Variants in DCC observed in about 807,000 individuals in gnomAD.
DCC encodes the protein netrin receptor DCC.
DCC carries 58 observed loss-of-function variants against 172.5 expected under a neutral mutation model. The observed-to-expected ratio is 0.34, with a 90% CI of 0.27 to 0.42. The LOEUF (loss-of-function observed/expected upper bound fraction) is 0.42. DCC is among the 10% of genes least tolerant of loss of function. DCC has a pLI of 1.00. For missense variants in DCC, 1,740 were observed against 1,791.0 expected, an observed-to-expected ratio of 0.97 and a Z score of 0.51; for synonymous variants, 709 against 644.5, an observed-to-expected ratio of 1.10 and a Z score of -1.52.
At chr18:52,993,099 C>G (rs1444357774) in intron 5 of DCC, among the ~76,000 whole-genome samples, 2 of 150,860 alleles carry the variant, frequency 1.3e-5, no homozygotes, top group East Asian at 3.9e-4. Context: ...AATGATTGTT[C>G]TAGTTGCCAT....
At chr18:52,852,519 T>C (rs1348817199) in intron 2 of DCC, among the ~76,000 whole-genome samples, 1 of 152,138 alleles carries the variant, frequency 6.6e-6, no homozygotes, top group Non-Finnish European at 1.5e-5. Context: ...TCTATGAAAA[T>C]AGGTAAATCA....
At chr18:52,361,123 T>G (rs1984599655) in intron 1 of DCC, among the ~76,000 whole-genome samples, 2 of 152,220 alleles carry the variant, frequency 1.3e-5, no homozygotes, top group Non-Finnish European at 2.9e-5. Flanking sequence ...CTTCTCAAAC[T>G]TTAATATACA....
intron 15 of DCC, among the ~76,000 whole-genome samples, chr18:53,352,504 G>T (rs1425963058): frequency 6.6e-6 from 1 of 152,016 alleles, no homozygotes; most frequent in African/African-American, 2.4e-5. Flanking sequence ...CTATTTTGAT[G>T]TTAGTGCATC....
chr18:53,166,581 T>C (rs1439416741), intron 8 of DCC, among the ~76,000 whole-genome samples: 2 of 152,162 alleles, frequency 1.3e-5, no homozygotes, highest in Non-Finnish European at 2.9e-5. Context: ...TCCCAAGATA[T>C]AGCTCATTAT....
chr18:52,794,170 T>C (rs1202433727), intron 2 of DCC, among the ~76,000 whole-genome samples: 1 of 152,180 alleles, frequency 6.6e-6, no homozygotes, highest in Non-Finnish European at 1.5e-5. Flanking sequence ...TTTTTTTTTA[T>C]ATTTCTCTTG....
chr18:52,712,376 G>C lies in DCC; in HGVS notation c.92-39678G>C, dbSNP rs77592611. Among the ~76,000 whole-genome samples the C allele has an allele frequency of 1.1e-4, 16 of 152,124 alleles. No individual in the cohort carries two copies. In the South Asian group the frequency reaches 2.1e-3, roughly 20 times the overall value. Reference sequence around the variant, plus strand: ...TATTATTTGACTTTTACTTGTAATCGTTAGCAACCATTTGTAAAATACCTA... The same window carrying C: ...TATTATTTGACTTTTACTTGTAATCCTTAGCAACCATTTGTAAAATACCTA... On this transcript the variant is annotated intron_variant, in intron 1 of 28. Transcript: ENST00000442544.
intron 9 of DCC, 43 bp downstream of exon 9, chr18:53,179,159 T>A: frequency 6.3e-7 from 1 of 1,581,016 alleles, no homozygotes; most frequent in Non-Finnish European, 8.7e-7. Context: ...AAGTATTTAT[T>A]TTCCTCTGCA....
chr18:52,752,428 C>A (rs564974242), intron 2 of DCC, 54 bp downstream of exon 2: 6 of 1,369,108 alleles, frequency 4.4e-6, no homozygotes, highest in Non-Finnish European at 6.3e-6. Context: ...TCTTCTTATT[C>A]ATTTTTGGGG....
chr18:53,271,779 GT>G (rs1479715282), intron 12 of DCC, among the ~76,000 whole-genome samples: 3 of 152,096 alleles, frequency 2.0e-5, no homozygotes, highest in African/African-American at 7.2e-5. Context: ...AGAGTAAGGG[GT>G]TTACACAAAA....
At chr18:52,409,713 G>A (rs2144399683) in intron 1 of DCC, among the ~76,000 whole-genome samples, 1 of 152,248 alleles carries the variant, frequency 6.6e-6, no homozygotes. Flanking sequence ...CTTCACAGGG[G>A]TGATATGAAG....
chr18:52,920,070 C>A (rs1415770526), intron 3 of DCC, among the ~76,000 whole-genome samples: 1 of 145,238 alleles, frequency 6.9e-6, no homozygotes, highest in Non-Finnish European at 1.5e-5. Flanking sequence ...AAGATTAACT[C>A]AAAATGGACC....
chr18:53,291,804 G>A (rs1052205003), intron 12 of DCC, among the ~76,000 whole-genome samples: 1 of 152,146 alleles, frequency 6.6e-6, no homozygotes, highest in Non-Finnish European at 1.5e-5. Context: ...TTTAGGCACT[G>A]GAGAATTAAG....
At chr18:52,759,992 A>T (rs1190584808) in intron 2 of DCC, among the ~76,000 whole-genome samples, 1 of 152,210 alleles carries the variant, frequency 6.6e-6, no homozygotes, top group Non-Finnish European at 1.5e-5. Flanking sequence ...GGGGAACTTG[A>T]GTAAGGTCTG....
At position 52,377,799 on chromosome 18, in the gene DCC, C is replaced by T. The variant is rs376735769; in HGVS notation, c.91+36921C>T. Among the ~76,000 whole-genome samples the T allele has an allele frequency of 2.0e-4, 30 of 151,418 alleles. 1 individual carries two copies. The highest frequency in any genetic ancestry group is 3.4e-4 in the Non-Finnish European group (23 of 67,884). ...TTGGCTCACCACAGATTCTGCCTCC[C>T]GGGTTCAAGCAATTCTCATACCTCA... On this transcript the variant is annotated intron_variant, in intron 1 of 28. Coordinates refer to ENST00000442544, the MANE Select transcript of DCC (RefSeq NM_005215.4).
chr18:53,069,886 T>G (rs910764592), intron 7 of DCC, among the ~76,000 whole-genome samples: 1 of 152,052 alleles, frequency 6.6e-6, no homozygotes, highest in Non-Finnish European at 1.5e-5. Context: ...ATATTTTAAT[T>G]TAGATCTCAT....
intron 5 of DCC, among the ~76,000 whole-genome samples, chr18:52,926,126 A>C (rs1043962962): frequency 6.6e-6 from 1 of 151,888 alleles, no homozygotes; most frequent in African/African-American, 2.4e-5. Context: ...GAATCTTAGG[A>C]ATTTTTCCTC....
intron 1 of DCC, among the ~76,000 whole-genome samples, chr18:52,625,387 C>T (rs2034554816): frequency 6.6e-6 from 1 of 152,166 alleles, no homozygotes; most frequent in African/African-American, 2.4e-5. Flanking sequence ...CACTCAACAA[C>T]TATGAATTAT....
intron 1 of DCC, among the ~76,000 whole-genome samples, chr18:52,343,077 A>G (rs1185310565): frequency 2.0e-5 from 3 of 152,188 alleles, no homozygotes; most frequent in South Asian, 2.1e-4. Flanking sequence ...TTCTAAATCT[A>G]TATCTGTTAT....
At chr18:52,689,388 A>C (rs1422203666) in intron 1 of DCC, among the ~76,000 whole-genome samples, 1 of 152,166 alleles carries the variant, frequency 6.6e-6, no homozygotes, top group Non-Finnish European at 1.5e-5. Context: ...TAATTGGAGA[A>C]GCATGAAAAA....
Sources: gnomAD v4.1 joint callset for allele counts (sites outside exome capture counted in the v4.1 genomes callset) on GRCh38, gnomAD v4.1.1 for gene constraint, MANE v1.5 for transcripts, NCBI Gene and HGNC (gene_info 2026-07-23, HGNC 2026-07-21) for gene names.